Variants in BPIFA3 observed in about 807,000 individuals in gnomAD.
BPIFA3 encodes BPI fold containing family A member 3, also known as BPI fold-containing family A member 3.
BPIFA3 carries 32 observed loss-of-function variants against 29.7 expected under a neutral mutation model. That is an observed-to-expected ratio of 1.08 (90% CI 0.81 to 1.45). The LOEUF is 1.45. BPIFA3 is among the 40% of genes most tolerant of loss of function. BPIFA3 has a pLI of 0.00. For synonymous variants in BPIFA3, 112 were observed against 113.7 expected (o/e 0.98, Z 0.10); for missense variants, 323 against 311.3 (o/e 1.04, Z -0.28).
chr20:33,227,673 TG>T lies in BPIFA3; in HGVS notation c.*60del. On this transcript the variant is annotated 3_prime_UTR_variant, in exon 7 of 7. Coordinates refer to ENST00000375454, the MANE Select transcript of BPIFA3 (RefSeq NM_178466.5). ...TTGCAACCTTAAGTCTCCCTTAGAG[TG>T]GGGCTTCTGCTACCCTAAAAACTTT... 1 of 1,463,178 alleles carries T rather than the reference TG, an allele frequency of 6.8e-7. No homozygotes were observed. Among genetic ancestry groups the T allele is most frequent in the South Asian group, 1.1e-5 (1 of 87,634 alleles). The allele number at this position is 1,463,178 out of a possible 1,614,324, so 90.6% of individuals were successfully genotyped here.
chr20:33,226,312 A>T, intron 4 of BPIFA3, 94 bp from the exon 5 acceptor site: 1 of 923,032 alleles, frequency 1.1e-6, no homozygotes, highest in South Asian at 1.5e-5. Flanking sequence ...GTGAGGACTA[A>T]AAGACTGTGG....
Position 33,217,543 on chromosome 20 carries a change from T to A in BPIFA3, c.7T>A (p.Cys3Ser), listed in dbSNP as rs372552848. 6.2e-7 allele frequency: 1 copy of A among 1,614,078 alleles called. No individual in the cohort carries two copies. Among genetic ancestry groups the A allele is most frequent in the Non-Finnish European group, 8.5e-7 (1 of 1,179,968 alleles). The change falls in exon 1 of 7, where the codon TGT becomes AGT. Residue 3 changes from cysteine (C) to serine (S), a missense_variant. By Grantham distance (112) the Cys-to-Ser change is moderately radical. Coordinates refer to ENST00000375454, the MANE Select transcript of BPIFA3 (RefSeq NM_178466.5). MM[C>S]PLWRLLIFLG... The stretch of plus-strand genomic sequence containing the variant: ...TCTGCAGGTCCCAGACCCTATGATG[T>A]GTCCACTCTGGAGGCTCCTCATCTT...
intron 3 of BPIFA3, among the ~76,000 whole-genome samples, 178 bp downstream of exon 3, chr20:33,224,640 G>A (rs1466426153): frequency 6.6e-6 from 1 of 152,166 alleles, no homozygotes; most frequent in African/African-American, 2.4e-5. Flanking sequence ...CCTGAAATAT[G>A]ATGACAATCA....
intron 1 of BPIFA3, among the ~76,000 whole-genome samples, chr20:33,220,450 T>G (rs1010059062): frequency 6.6e-6 from 1 of 152,114 alleles, no homozygotes; most frequent in East Asian, 1.9e-4. Flanking sequence ...AATTTGTTAA[T>G]TTAAAGAGAG....
chr20:33,224,996 A>C, intron 3 of BPIFA3, 102 bp from the exon 4 acceptor site: 3 of 1,049,764 alleles, frequency 2.9e-6, no homozygotes, highest in Non-Finnish European at 4.3e-6. Flanking sequence ...TGCCAGGGGA[A>C]GCCCTAACGG....
intron 4 of BPIFA3, chr20:33,225,643 G>T: frequency 5.4e-6 from 1 of 185,696 alleles, no homozygotes; most frequent in Admixed American, 5.5e-5. Context: ...ATCTGGCCAT[G>T]CCCAAGCCCC....
In BPIFA3 at chr20:33,225,397, G is replaced by A. The variant is rs1985738360; in HGVS notation, c.536+150G>A. ...CTCCTCCTCCCATGTTCCCATCCGT[G>A]ATGACCCTACCACCCTCCCAGAAGC... is the stretch of plus-strand genomic sequence containing the variant. On this transcript the variant is annotated intron_variant, in intron 4 of 6. Transcript: ENST00000375454. The A allele has an allele frequency of 4.4e-6, 5 of 1,127,108 alleles. No homozygotes were observed. In the South Asian group the frequency reaches 4.7e-5, roughly 11 times the overall value. The allele number at this position is 1,127,108 out of a possible 1,614,324, so 69.8% of individuals were successfully genotyped here.
At chr20:33,218,447 G>C (rs1190920851) in intron 1 of BPIFA3, among the ~76,000 whole-genome samples, 1 of 152,160 alleles carries the variant, frequency 6.6e-6, no homozygotes, top group African/African-American at 2.4e-5. Flanking sequence ...AGTCAGCTAG[G>C]GCTGTCCTCA....
At position 33,227,657 on chromosome 20, in the gene BPIFA3, T is replaced by A; in HGVS notation, c.*40T>A. The A allele has an allele frequency of 6.4e-7, 1 of 1,557,216 alleles. No homozygotes were observed. The highest frequency in any genetic ancestry group is 8.9e-7 in the Non-Finnish European group (1 of 1,128,746). On this transcript the variant is annotated 3_prime_UTR_variant, in exon 7 of 7. Coordinates refer to ENST00000375454, the MANE Select transcript of BPIFA3 (RefSeq NM_178466.5). Reference sequence around the variant, plus strand: ...AAGGAAAGTCCACATCTTGCAACCTTAAGTCTCCCTTAGAGTGGGGCTTCT... The same window carrying A: ...AAGGAAAGTCCACATCTTGCAACCTAAAGTCTCCCTTAGAGTGGGGCTTCT...
At position 33,217,589 on chromosome 20, in the gene BPIFA3, C is replaced by T; in HGVS notation, c.53C>T (p.Pro18Leu). Residue 18 changes from proline (P) to leucine (L), a missense_variant, in exon 1 of 7, where the codon CCC becomes CTC. Physicochemically the swap from Pro to Leu is moderately conservative, Grantham distance 98 (BLOSUM62 -3). Transcript: ENST00000375454. ...ATCTTCCTCGGGTTGCTGGCCTTGC[C>T]CTTGGCACCACACAAGCAGCCTTGG... Reference protein sequence around the residue: ...LLIFLGLLALPLAPHKQPWPG... With the variant: ...LLIFLGLLALLLAPHKQPWPG... The T allele has an allele frequency of 1.1e-5, 18 of 1,614,168 alleles. No individual in the cohort carries two copies. The highest frequency in any genetic ancestry group is 1.4e-5 in the Non-Finnish European group (17 of 1,180,026).
At chr20:33,224,887 A>G (rs1263178413) in intron 3 of BPIFA3, among the ~76,000 whole-genome samples, 1 of 152,180 alleles carries the variant, frequency 6.6e-6, no homozygotes, top group African/African-American at 2.4e-5. Context: ...CCAAAGGCCT[A>G]TTTAAGGGGT....
intron 1 of BPIFA3, 157 bp from the exon 2 acceptor site, chr20:33,223,654 T>C (rs1985628327): frequency 1.4e-6 from 1 of 735,924 alleles, no homozygotes; most frequent in Non-Finnish European, 2.2e-6. Flanking sequence ...CATAATTTCA[T>C]AGATGAAGAA....
rs1450509866 is a variant in BPIFA3, at chr20:33,226,988, TC to T, written c.681del (p.Ile228Ter). The T allele has an allele frequency of 6.2e-7, 1 of 1,613,618 alleles. No individual in the cohort carries two copies. The highest frequency in any genetic ancestry group is 8.5e-7 in the Non-Finnish European group (1 of 1,179,554). ...GQLDVKLLKSLIEQEAAHEPT... is the reference protein window; with the variant it reads ...GQLDVKLLKSXIEQEAAHEPT... ...CTGGATGTGAAACTGTTGAAAAGCCTCATAGGTGAGTGTCTGGTCCATCCAG... is the reference window on the plus strand; with the variant it reads ...CTGGATGTGAAACTGTTGAAAAGCCTATAGGTGAGTGTCTGGTCCATCCAG... On this transcript the variant is annotated frameshift_variant, in exon 6 of 7. Transcript: ENST00000375454. LOFTEE classifies it low-confidence loss of function (END_TRUNC).
chr20:33,226,538 G>A (rs762412995), intron 5 of BPIFA3, 48 bp downstream of exon 5: 1 of 1,269,150 alleles, frequency 7.9e-7, no homozygotes, highest in Admixed American at 1.9e-5. Flanking sequence ...GAGTCCGAGG[G>A]TTAGGGCATA....
intron 3 of BPIFA3, 151 bp downstream of exon 3, chr20:33,224,613 G>C (rs1247623248): frequency 4.5e-6 from 3 of 673,658 alleles, no homozygotes; most frequent in Non-Finnish European, 7.8e-6. Context: ...TCACCTCTCT[G>C]AGCCTTGGTT....
At chr20:33,226,064 T>A in intron 4 of BPIFA3, 2 of 216,786 alleles carry the variant, frequency 9.2e-6, no homozygotes, top group Non-Finnish European at 1.8e-5. Flanking sequence ...AATTCCGGAA[T>A]GCTGAAAGCA....
At position 33,226,930 on chromosome 20, in the gene BPIFA3, G is replaced by A. The variant is rs566874681; in HGVS notation, c.622G>A (p.Val208Ile). ...KVLPHMVESQ[V>I]CPLIGEILGQ... ...CCTTCTCTCTGTGCTGATGGTCCAGGTATGTCCTCTGATCGGTGAAATCCT... is the reference window on the plus strand; with the variant it reads ...CCTTCTCTCTGTGCTGATGGTCCAGATATGTCCTCTGATCGGTGAAATCCT... The change falls in exon 6 of 7, where the codon GTA (valine) becomes ATA (isoleucine). Residue 208 changes from valine to isoleucine, a missense_variant and splice_region_variant. By Grantham distance (29) the Val-to-Ile change is conservative. Coordinates refer to ENST00000375454, the MANE Select transcript of BPIFA3 (RefSeq NM_178466.5). 255 of 1,614,114 alleles carry A rather than the reference G, an allele frequency of 1.6e-4. 2 individuals are homozygous for A. In the South Asian group the frequency reaches 2.2e-3, roughly 14 times the overall value.
At chr20:33,220,284 G>A (rs1985451854) in intron 1 of BPIFA3, among the ~76,000 whole-genome samples, 1 of 151,864 alleles carries the variant, frequency 6.6e-6, no homozygotes, top group Admixed American at 6.6e-5. Context: ...TGTAGTCCCA[G>A]CTACTCGGGA....
At chr20:33,224,079 T>C in intron 2 of BPIFA3, 118 bp downstream of exon 2, 1 of 1,321,418 alleles carries the variant, frequency 7.6e-7, no homozygotes, top group Middle Eastern at 2.8e-4. Context: ...GGTAGGAAGA[T>C]TGAAAGAAGA....
Sources: allele counts gnomAD v4.1 joint callset (sites outside exome capture counted in the v4.1 genomes callset), GRCh38; gene constraint gnomAD v4.1.1; transcripts MANE v1.5; gene names NCBI Gene and HGNC (gene_info 2026-07-23, HGNC 2026-07-21).